Variants in EPC2 observed in about 807,000 individuals in gnomAD.
The protein encoded by EPC2 is enhancer of polycomb 2, also known as enhancer of polycomb homolog 2.
A neutral mutation model predicts 92.1 loss-of-function variants in EPC2; 14 were observed. The ratio of observed to expected loss-of-function variants is 0.15; its 90% CI spans 0.10 to 0.24. The LOEUF (loss-of-function observed/expected upper bound fraction) is 0.24, where lower values mean the gene tolerates loss of function less well. Ranked by LOEUF, EPC2 falls within the 10% of genes least tolerant of loss-of-function variation. EPC2 has a pLI of 1.00. For missense variants in EPC2, 755 were observed against 971.5 expected (o/e 0.78, Z 2.96); for synonymous variants, 340 against 334.7 (o/e 1.02, Z -0.17).
intron 2 of EPC2, among the ~76,000 whole-genome samples, chr2:148,717,193 A>ATTTT (rs61215161): frequency 9.9e-6 from 1 of 100,896 alleles, no homozygotes. Context: ...GGATTCATTG[A>ATTTT]TTTTTTTTTT....
At chr2:148,710,931 T>TAC (rs1553445968) in intron 2 of EPC2, among the ~76,000 whole-genome samples, 2 of 152,040 alleles carry the variant, frequency 1.3e-5, no homozygotes, top group African/African-American at 2.4e-5. Flanking sequence ...TATGCACGCA[T>TAC]ACACACACAC....
intron 1 of EPC2, among the ~76,000 whole-genome samples, chr2:148,670,274 A>G (rs1681129769): frequency 6.6e-6 from 1 of 151,164 alleles, no homozygotes; most frequent in Admixed American, 6.6e-5. Context: ...CCATTGTTTT[A>G]TTACTTTGTC....
intron 3 of EPC2, among the ~76,000 whole-genome samples, chr2:148,749,872 T>C (rs78086439): frequency 6.6e-6 from 1 of 152,128 alleles, no homozygotes; most frequent in Non-Finnish European, 1.5e-5. Context: ...TAAAAGTAAT[T>C]TGAGTTTATG....
At chr2:148,681,989 G>C (rs1439528288) in intron 1 of EPC2, among the ~76,000 whole-genome samples, 1 of 152,034 alleles carries the variant, frequency 6.6e-6, no homozygotes. Context: ...TTTTGTCCTT[G>C]TGATAGTTTG....
intron 2 of EPC2, among the ~76,000 whole-genome samples, chr2:148,741,235 G>A (rs1017975102): frequency 6.6e-6 from 1 of 152,164 alleles, no homozygotes; most frequent in Non-Finnish European, 1.5e-5. Flanking sequence ...CTCATTGAGA[G>A]ATGAAATACT....
intron 2 of EPC2, among the ~76,000 whole-genome samples, chr2:148,704,675 G>C (rs904557855): frequency 1.3e-5 from 2 of 152,018 alleles, no homozygotes; most frequent in African/African-American, 2.4e-5. Context: ...TACTTATTTA[G>C]CCTCTGAATC....
rs369522543 is a variant in EPC2, at chr2:148,774,830, G to A, written c.1720+3443G>A. On this transcript the variant is annotated intron_variant, in intron 10 of 13. Coordinates refer to ENST00000258484, the MANE Select transcript of EPC2 (RefSeq NM_015630.4). ...GGGCCAGGCGCGGTGGCTCACGCCT[G>A]TAATCCCAGCACTTTGGGAGGCCGA... is the stretch of plus-strand genomic sequence containing the variant. Among the ~76,000 whole-genome samples the A allele has an allele frequency of 9.2e-5, 14 of 151,806 alleles. 1 individual carries two copies. In the South Asian group the frequency reaches 2.9e-3, roughly 32 times the overall value.
At chr2:148,694,074 A>C (rs979797363) in intron 2 of EPC2, among the ~76,000 whole-genome samples, 24 of 152,378 alleles carry the variant, frequency 1.6e-4, no homozygotes, top group African/African-American at 5.8e-4. Context: ...AATGAGTGAA[A>C]GAATTAATGA....
intron 6 of EPC2, 46 bp downstream of exon 6, chr2:148,762,848 C>T (rs746969470): frequency 1.3e-6 from 2 of 1,537,488 alleles, no homozygotes; most frequent in African/African-American, 2.8e-5. Context: ...TAATGTTGAT[C>T]AGAGGAGTTA....
At chr2:148,724,086 A>G (rs1682438159) in intron 2 of EPC2, among the ~76,000 whole-genome samples, 1 of 151,904 alleles carries the variant, frequency 6.6e-6, no homozygotes, top group Non-Finnish European at 1.5e-5. Flanking sequence ...AAAATGTAGG[A>G]CTCTTTTATA....
intron 1 of EPC2, among the ~76,000 whole-genome samples, chr2:148,686,085 T>C (rs1681516163): frequency 6.6e-6 from 1 of 152,254 alleles, no homozygotes; most frequent in African/African-American, 2.4e-5. Context: ...TTGTAGCATG[T>C]GATGCTGTTT....
At chr2:148,783,468 C>T (rs559789292) in intron 11 of EPC2, 129 bp from the exon 12 acceptor site, 3 of 761,596 alleles carry the variant, frequency 3.9e-6, no homozygotes, top group South Asian at 2.8e-5. Context: ...AATCGTAGAT[C>T]GCTTAATCTA....
intron 11 of EPC2, among the ~76,000 whole-genome samples, chr2:148,783,196 C>T (rs1233894251): frequency 1.3e-5 from 2 of 152,170 alleles, no homozygotes; most frequent in African/African-American, 2.4e-5. Flanking sequence ...GGTTAACCAA[C>T]CAAAAGTATT....
intron 10 of EPC2, among the ~76,000 whole-genome samples, chr2:148,775,688 A>AAATAAAATTAAATTTAATTTAATTT (rs1392770065): frequency 3.9e-4 from 58 of 147,938 alleles, no homozygotes; most frequent in Admixed American, 3.2e-3. Context: ...TAATTTAATT[A>AAATAAAATTAAATTTAATTTAATTT]AATAAAATTA....
intron 2 of EPC2, among the ~76,000 whole-genome samples, chr2:148,708,154 A>G (rs1682045744): frequency 6.6e-6 from 1 of 152,200 alleles, no homozygotes; most frequent in African/African-American, 2.4e-5. Flanking sequence ...AAAAATGATA[A>G]AAGGGATATC....
intron 1 of EPC2, among the ~76,000 whole-genome samples, chr2:148,688,039 T>G (rs1257111089): frequency 2.6e-5 from 4 of 152,080 alleles, no homozygotes; most frequent in Admixed American, 2.6e-4. Flanking sequence ...TAATTCCTTT[T>G]GTATAATAAC....
At chr2:148,770,522 A>G (rs958241171) in intron 8 of EPC2, among the ~76,000 whole-genome samples, 3 of 152,172 alleles carry the variant, frequency 2.0e-5, no homozygotes, top group African/African-American at 7.2e-5. Context: ...TTTTAACTAT[A>G]TATTCCTTTT....
intron 2 of EPC2, among the ~76,000 whole-genome samples, chr2:148,726,754 TTTTGTTTTTTG>T (rs1264976110): frequency 8.4e-4 from 109 of 130,200 alleles, no homozygotes; most frequent in African/African-American, 2.4e-3. Context: ...TTTTTTTTTG[TTTTGTTTTTTG>T]TTTTTTTTTT....
intron 2 of EPC2, among the ~76,000 whole-genome samples, chr2:148,697,508 A>G (rs906893096): frequency 1.3e-5 from 2 of 152,208 alleles, no homozygotes; most frequent in Admixed American, 6.6e-5. Flanking sequence ...CCATGAGAGT[A>G]ATACAAGCAC....
Sources: gnomAD v4.1 joint callset for allele counts (sites outside exome capture counted in the v4.1 genomes callset) on GRCh38, gnomAD v4.1.1 for gene constraint, MANE v1.5 for transcripts, NCBI Gene and HGNC (gene_info 2026-07-23, HGNC 2026-07-21) for gene names.